The following STK17A variants were observed in gnomAD, a reference collection of about 807,000 sequenced individuals.
The protein encoded by STK17A is serine/threonine kinase 17a, also known as serine/threonine-protein kinase 17A.
Under a neutral mutation model 43.7 loss-of-function variants are expected in STK17A, and 26 were observed. The observed-to-expected ratio is 0.60, with a 90% CI of 0.44 to 0.83. The LOEUF (loss-of-function observed/expected upper bound fraction) is 0.83, where lower values mean the gene tolerates loss of function less well. Ranked by LOEUF, STK17A falls within the 40% of genes least tolerant of loss-of-function variation. The probability of loss-of-function intolerance (pLI) is 0.00; values close to 1 mark genes in which losing one functional copy is unlikely to be tolerated. For synonymous variants in STK17A, 191 were observed against 182.5 expected, an observed-to-expected ratio of 1.05 and a Z score of -0.38; for missense variants, 476 against 511.6, an observed-to-expected ratio of 0.93 and a Z score of 0.67.
chr7:43,615,585 T>C (rs1439305537), intron 3 of STK17A, among the ~76,000 whole-genome samples: 1 of 152,212 alleles, frequency 6.6e-6, no homozygotes, highest in South Asian at 2.1e-4. Context: ...CGTGAAGAAT[T>C]AGCTAGAAGC....
At chr7:43,585,190 C>G (rs1292933846) in intron 1 of STK17A, among the ~76,000 whole-genome samples, 1 of 151,428 alleles carries the variant, frequency 6.6e-6, no homozygotes, top group East Asian at 1.9e-4. Flanking sequence ...GAGTGAGACT[C>G]CATCTCCAAA....
In STK17A at chr7:43,608,283, G is replaced by A; in HGVS notation, c.447G>A (p.Gln149=). ...CTGCTGGGGGTGAAATCTTTGACCAGTGTGTTGCAGACAGAGAAGAAGCCT... is the reference window on the plus strand; with the variant it reads ...CTGCTGGGGGTGAAATCTTTGACCAATGTGTTGCAGACAGAGAAGAAGCCT... The part of the protein sequence containing the change: ...EYAAGGEIFD[Q]CVADREEAFK... The change falls in exon 3 of 7, where the codon CAG becomes CAA. Residue 149 remains glutamine (Q), a synonymous_variant. Transcript: ENST00000319357. 1 of 1,613,760 alleles carries A rather than the reference G, an allele frequency of 6.2e-7. No individual in the cohort carries two copies. The highest frequency in any genetic ancestry group is 8.5e-7 in the Non-Finnish European group (1 of 1,179,910).
At chr7:43,604,452 A>T (rs908791278) in intron 2 of STK17A, among the ~76,000 whole-genome samples, 6 of 151,668 alleles carry the variant, frequency 4.0e-5, no homozygotes, top group Non-Finnish European at 8.8e-5. Context: ...CCTGACTTCT[A>T]TTCTACCTCA....
chr7:43,603,816 C>G (rs574409255), intron 2 of STK17A, among the ~76,000 whole-genome samples: 169 of 152,242 alleles, frequency 1.1e-3, no homozygotes, highest in African/African-American at 4.0e-3. Flanking sequence ...TTGTTTCATG[C>G]ACAAAATTAT....
rs562824550 is a variant in STK17A at position 43,597,508 on chromosome 7, A to G, written c.419+1395A>G. Among the ~76,000 whole-genome samples, 83 of 152,124 alleles carry G rather than the reference A, an allele frequency of 5.5e-4. 1 individual carries two copies. The highest frequency in any genetic ancestry group is 1.8e-3 in the African/African-American group (75 of 41,510). ...GCGATTCTCCTGCCTCAGCCCCCCA[A>G]GTAGCTAGGATTACAGGCATCCGTC... On this transcript the variant is annotated intron_variant, in intron 2 of 6. Transcript: ENST00000319357.
Position 43,583,120 on chromosome 7 carries a change from C to T in STK17A, c.-124C>T, listed in dbSNP as rs1385189511. 10 of 1,065,516 alleles carry T rather than the reference C, an allele frequency of 9.4e-6. No individual in the cohort carries two copies. Among genetic ancestry groups the T allele is most frequent in the Non-Finnish European group, 1.2e-5 (9 of 759,326 alleles). The allele number at this position is 1,065,516 out of a possible 1,614,324, so 66.0% of individuals were successfully genotyped here. A position where few individuals can be genotyped will look rare whatever the true frequency, so the allele number is the denominator to read the frequency against. On this transcript the variant is annotated 5_prime_UTR_variant, in exon 1 of 7. Coordinates refer to ENST00000319357, the MANE Select transcript of STK17A (RefSeq NM_004760.3). ...TAGTCTGCCTGCCGCAGTCCGAGCG[C>T]CGCGCTGGGGAGAGCGGGTGTTTGA...
At chr7:43,616,379 AT>A (rs1389520164) in intron 3 of STK17A, among the ~76,000 whole-genome samples, 2 of 152,072 alleles carry the variant, frequency 1.3e-5, no homozygotes, top group Non-Finnish European at 2.9e-5. Context: ...CACCCTGTTA[AT>A]TTTTTTATAG....
intron 2 of STK17A, among the ~76,000 whole-genome samples, chr7:43,597,085 A>G (rs2082521244): frequency 6.6e-6 from 1 of 152,140 alleles, no homozygotes; most frequent in Admixed American, 6.6e-5. Flanking sequence ...TCGGAAAAAT[A>G]CCTCTAATAT....
At chr7:43,619,782 TTGTCCATGTGGCA>T in intron 4 of STK17A, 59 bp downstream of exon 4, 3 of 1,587,024 alleles carry the variant, frequency 1.9e-6, no homozygotes, top group Non-Finnish European at 2.6e-6. Flanking sequence ...ATTAGGGGAC[TTGTCCATGTGGCA>T]TGACTCATAG....
chr7:43,610,346 CA>C (rs138859141), intron 3 of STK17A, among the ~76,000 whole-genome samples: 1,467 of 41,268 alleles, frequency 0.036, 7 homozygotes, highest in African/African-American at 0.15. Flanking sequence ...GACTCCGTCT[CA>C]AAAAAAAAAA....
At chr7:43,594,608 G>A (rs572383110) in intron 1 of STK17A, among the ~76,000 whole-genome samples, 50 of 152,154 alleles carry the variant, frequency 3.3e-4, no homozygotes, top group African/African-American at 1.0e-3. Flanking sequence ...GATGTTTACG[G>A]GTGATGACTA....
In STK17A at chr7:43,583,193, C is replaced by T. The variant is rs1323020579; in HGVS notation, c.-51C>T. On this transcript the variant is annotated 5_prime_UTR_variant, in exon 1 of 7. Coordinates refer to ENST00000319357, the MANE Select transcript of STK17A (RefSeq NM_004760.3). ...GAGCCGGGGGCGGGTCCGTGACCCT[C>T]CGGCTGCTCGGAGTGAACAGGCGGC... is the stretch of plus-strand genomic sequence containing the variant. The T allele has an allele frequency of 1.3e-6, 2 of 1,542,130 alleles. No homozygotes were observed. Among genetic ancestry groups the T allele is most frequent in the African/African-American group, 1.4e-5 (1 of 69,942 alleles).
At chr7:43,604,225 T>C (rs1457723860) in intron 2 of STK17A, among the ~76,000 whole-genome samples, 1 of 152,192 alleles carries the variant, frequency 6.6e-6, no homozygotes, top group African/African-American at 2.4e-5. Flanking sequence ...AAATCAACCT[T>C]AGGTTGTGCT....
At chr7:43,606,575 T>A (rs2082590971) in intron 2 of STK17A, among the ~76,000 whole-genome samples, 1 of 152,192 alleles carries the variant, frequency 6.6e-6, no homozygotes, top group Admixed American at 6.5e-5. Flanking sequence ...AGTAAAATTT[T>A]TTGGTTAAAA....
chr7:43,610,897 G>A (rs1193901583), intron 3 of STK17A, among the ~76,000 whole-genome samples: 1 of 151,790 alleles, frequency 6.6e-6, no homozygotes, highest in Non-Finnish European at 1.5e-5. Flanking sequence ...AGGGCAGATC[G>A]CTTGAGGTCA....
chr7:43,592,755 A>G (rs1483558532), intron 1 of STK17A, among the ~76,000 whole-genome samples: 1 of 151,920 alleles, frequency 6.6e-6, no homozygotes, highest in Admixed American at 6.6e-5. Context: ...AATTCCAGCT[A>G]TTCAGGAGGC....
In STK17A at chr7:43,623,572, C is replaced by T; in HGVS notation, c.692C>T (p.Ala231Val). The T allele has an allele frequency of 2.5e-6, 4 of 1,608,542 alleles. No individual in the cohort carries two copies. The highest frequency in any genetic ancestry group is 3.4e-6 in the Non-Finnish European group (4 of 1,178,266). Reference sequence around the variant, plus strand: ...TGTTTTCTTCTCTTTCTGATACTAGCTCCTGAAATTCTTAGTTATGATCCT... The same window carrying T: ...TGTTTTCTTCTCTTTCTGATACTAGTTCCTGAAATTCTTAGTTATGATCCT... Reference protein sequence around the residue: ...REIMGTPEYVAPEILSYDPIS... With the variant: ...REIMGTPEYVVPEILSYDPIS... The change falls in exon 5 of 7, where the codon GCT becomes GTT. Residue 231 changes from alanine to valine, a missense_variant and splice_region_variant. Physicochemically the swap from Ala to Val is moderately conservative, Grantham distance 64. This residue lies in a region of STK17A where 320 missense variants were observed against 326.3 expected (regional missense o/e 0.98). Coordinates refer to ENST00000319357, the MANE Select transcript of STK17A (RefSeq NM_004760.3).
intron 4 of STK17A, chr7:43,623,201 T>G (rs1347264622): frequency 1.1e-5 from 2 of 174,598 alleles, no homozygotes; most frequent in Non-Finnish European, 2.4e-5. Context: ...GTGCCACGGG[T>G]GAGGGTGGGG....
At chr7:43,608,216 C>G in intron 2 of STK17A, 40 bp from the exon 3 acceptor site, 1 of 1,569,198 alleles carries the variant, frequency 6.4e-7, no homozygotes. Flanking sequence ...TTCGCCATTT[C>G]TTATGAGTTA....
Sources: allele counts gnomAD v4.1 joint callset (sites outside exome capture counted in the v4.1 genomes callset), GRCh38; gene constraint gnomAD v4.1.1; regional missense constraint gnomAD v4.1.1; transcripts MANE v1.5; gene names NCBI Gene and HGNC (gene_info 2026-07-23, HGNC 2026-07-21).